Variants in PDYN observed in about 807,000 individuals in gnomAD.
PDYN encodes proenkephalin-B.
PDYN carries 5 observed loss-of-function variants against 11.4 expected under a neutral mutation model. The observed-to-expected ratio is 0.44, with a 90% confidence interval of 0.23 to 0.92. The LOEUF is 0.92. Ranked by LOEUF, PDYN falls within the 40% of genes least tolerant of loss-of-function variation. PDYN has a pLI of 0.24. For missense variants in PDYN, 337 were observed against 317.3 expected (o/e 1.06, Z -0.47); for synonymous variants, 132 against 129.5 (o/e 1.02, Z -0.13).
intron 2 of PDYN, 89 bp downstream of exon 2, chr20:1,992,495 C>G (rs1988492898): frequency 1.3e-5 from 2 of 152,312 alleles, no homozygotes; most frequent in African/African-American, 4.8e-5. Context: ...TTGCCTGCCA[C>G]CTATCACACC....
At position 1,982,995 on chromosome 20, in the gene PDYN, A is replaced by T; in HGVS notation, c.90T>A (p.Ala30=). 1 of 1,614,110 alleles carries T rather than the reference A, an allele frequency of 6.2e-7. No individual in the cohort carries two copies. The change falls in exon 3 of 4, where the codon GCT becomes GCA. Residue 30 remains alanine (A), a synonymous_variant. Coordinates refer to ENST00000217305, the MANE Select transcript of PDYN (RefSeq NM_024411.5). ...ADCLSRCSLC[A]VKTQDGPKPI... is the part of the protein sequence containing the mutation. ...GTTTGGGACCATCCTGGGTCTTTAC[A>T]GCACACAAGGAGCACCGCGACAGGC...
chr20:1,980,732 T>C lies in PDYN; in HGVS notation c.356A>G (p.Glu119Gly), dbSNP rs776924567. The change falls in exon 4 of 4, where the codon GAG (glutamate) becomes GGG (glycine). Residue 119 changes from glutamate to glycine, a missense_variant. Transcript: ENST00000217305. ...SKFLPSISTKENTLSKSLEEK... is the reference protein window; with the variant it reads ...SKFLPSISTKGNTLSKSLEEK... ...CTCCAGGCTCTTGCTCAGAGTGTTC[T>C]CCTTTGTTGAGATACTTGGGAGAAA... 1.2e-6 allele frequency: 2 copies of C among 1,614,196 alleles called. No individual in the cohort carries two copies. The highest frequency in any genetic ancestry group is 2.2e-5 in the South Asian group (2 of 91,084).
At chr20:1,985,492 C>A (rs1316863250) in intron 2 of PDYN, among the ~76,000 whole-genome samples, 1 of 152,170 alleles carries the variant, frequency 6.6e-6, no homozygotes, top group Non-Finnish European at 1.5e-5. Context: ...CAGCTGCACC[C>A]TCCGTGAGAT....
Position 1,979,957 on chromosome 20 carries a change from A to G in PDYN, c.*366T>C. 5.6e-6 allele frequency: 2 copies of G among 356,954 alleles called. No individual in the cohort carries two copies. The highest frequency in any genetic ancestry group is 5.0e-5 in the South Asian group (2 of 39,822). The allele number at this position is 356,954 out of a possible 1,614,324, so 22.1% of individuals were successfully genotyped here. A position where few individuals can be genotyped will look rare whatever the true frequency, so the allele number is the denominator to read the frequency against. On this transcript the variant is annotated 3_prime_UTR_variant, in exon 4 of 4. Transcript: ENST00000217305. ...GATCTGTTAAGTTTGGACATCATAG[A>G]CCTACAGGTACAAAGAACACATCGC... is the stretch of plus-strand genomic sequence containing the variant.
intron 3 of PDYN, among the ~76,000 whole-genome samples, chr20:1,981,325 T>C (rs992945822): frequency 2.0e-5 from 3 of 152,296 alleles, no homozygotes; most frequent in East Asian, 3.9e-4. Context: ...CCCAGGCTTC[T>C]GCAGGTGTGA....
intron 2 of PDYN, among the ~76,000 whole-genome samples, chr20:1,987,501 C>T (rs559748609): frequency 6.6e-6 from 1 of 152,346 alleles, no homozygotes; most frequent in African/African-American, 2.4e-5. Context: ...TCGCCACCCG[C>T]GGAACCACCT....
Position 1,980,354 on chromosome 20 carries a change from T to G in PDYN, c.734A>C (p.Asn245Thr), listed in dbSNP as rs1238908191. 2 of 1,613,994 alleles carry G rather than the reference T, an allele frequency of 1.2e-6. No individual in the cohort carries two copies. Among genetic ancestry groups the G allele is most frequent in the African/African-American group, 2.7e-5 (2 of 74,900 alleles). The change falls in exon 4 of 4, where the codon AAT becomes ACT. Residue 245 changes from asparagine to threonine, a missense_variant. Transcript: ENST00000217305. ...KVVTRSQEDP[N>T]AYSGELFDA Reference sequence around the variant, plus strand: ...ATCAAAAAGCTCTCCAGAGTAAGCATTCGGATCTTCCTGAGACCGAGTCAC... The same window carrying G: ...ATCAAAAAGCTCTCCAGAGTAAGCAGTCGGATCTTCCTGAGACCGAGTCAC...
chr20:1,981,315 C>T (rs549161884), intron 3 of PDYN, among the ~76,000 whole-genome samples: 9 of 152,300 alleles, frequency 5.9e-5, no homozygotes, highest in African/African-American at 2.2e-4. Flanking sequence ...CAAATTCTCT[C>T]CCAGGCTTCT....
intron 2 of PDYN, among the ~76,000 whole-genome samples, chr20:1,988,002 G>A (rs932594328): frequency 6.6e-6 from 1 of 152,192 alleles, no homozygotes; most frequent in African/African-American, 2.4e-5. Flanking sequence ...AAATGCTGCT[G>A]CATGACTCAC....
chr20:1,981,030 T>G (rs1987745496), intron 3 of PDYN, 72 bp from the exon 4 acceptor site: 2 of 1,577,590 alleles, frequency 1.3e-6, no homozygotes, highest in Non-Finnish European at 1.7e-6. Flanking sequence ...CAGGCTCCCC[T>G]GTCCAGTGTC....
intron 2 of PDYN, among the ~76,000 whole-genome samples, chr20:1,992,151 T>C (rs1034757142): frequency 5.9e-5 from 9 of 152,194 alleles, no homozygotes; most frequent in African/African-American, 2.2e-4. Context: ...ATTATTATTA[T>C]TCTCATCATA....
At chr20:1,983,807 C>T (rs546223156) in intron 2 of PDYN, among the ~76,000 whole-genome samples, 29 of 152,344 alleles carry the variant, frequency 1.9e-4, no homozygotes, top group Non-Finnish European at 3.5e-4. Flanking sequence ...GCCTAAATGT[C>T]AGGGCTCCCT....
chr20:1,993,489 A>T (rs1374659698), intron 1 of PDYN, among the ~76,000 whole-genome samples: 4 of 152,236 alleles, frequency 2.6e-5, no homozygotes, highest in African/African-American at 9.6e-5. Context: ...AATGTCCTCA[A>T]GCCATTGTTC....
chr20:1,979,054 A>C lies in PDYN; in HGVS notation c.*1269T>G, dbSNP rs1402810637. On this transcript the variant is annotated 3_prime_UTR_variant, in exon 4 of 4. Transcript: ENST00000217305. ...AGAGTGCCTGGGAATGAGAGAGCAA[A>C]AGAGAGACAGACAGACAGGGAGGGC... The C allele has an allele frequency of 6.6e-6, 1 of 152,182 alleles. No homozygotes were observed. Among genetic ancestry groups the C allele is most frequent in the East Asian group, 1.9e-4 (1 of 5,188 alleles). The allele number at this position is 152,182 out of a possible 1,614,324, so 9.4% of individuals were successfully genotyped here. A position where few individuals can be genotyped will look rare whatever the true frequency, so the allele number is the denominator to read the frequency against.
At chr20:1,986,803 CCA>C (rs1988207072) in intron 2 of PDYN, among the ~76,000 whole-genome samples, 1 of 152,204 alleles carries the variant, frequency 6.6e-6, no homozygotes, top group Non-Finnish European at 1.5e-5. Flanking sequence ...AACAAATGCT[CCA>C]CACACCCCAC....
chr20:1,982,831 C>A (rs1174413937), intron 3 of PDYN, 125 bp downstream of exon 3: 6 of 1,023,742 alleles, frequency 5.9e-6, no homozygotes, highest in Admixed American at 5.7e-5. Flanking sequence ...ACACCCACCA[C>A]CCTGCACAGG....
intron 2 of PDYN, among the ~76,000 whole-genome samples, chr20:1,983,929 A>G (rs1017400942): frequency 6.6e-6 from 1 of 152,092 alleles, no homozygotes; most frequent in African/African-American, 2.4e-5. Flanking sequence ...GCCTTTGCAC[A>G]TGCTGTTCCC....
rs151193257 is a variant in PDYN, at chr20:1,980,135, T to A, written c.*188A>T. 487 of 687,624 alleles carry A rather than the reference T, an allele frequency of 7.1e-4. 2 individuals are homozygous for A. In the African/African-American group the frequency reaches 7.7e-3, roughly 11 times the overall value. The allele number at this position is 687,624 out of a possible 1,614,324, so 42.6% of individuals were successfully genotyped here. A position where few individuals can be genotyped will look rare whatever the true frequency, so the allele number is the denominator to read the frequency against. On this transcript the variant is annotated 3_prime_UTR_variant, in exon 4 of 4. Coordinates refer to ENST00000217305, the MANE Select transcript of PDYN (RefSeq NM_024411.5). ...ATTGTGGGGAAGGGACATCCACCCT[T>A]CCCCATCACAGACCCCAGAGAAATA...
chr20:1,982,683 G>A (rs999803205), intron 3 of PDYN, among the ~76,000 whole-genome samples: 5 of 152,188 alleles, frequency 3.3e-5, no homozygotes, highest in African/African-American at 1.2e-4. Flanking sequence ...CACCACCTCA[G>A]AAATGACACT....
Sources: allele counts gnomAD v4.1 joint callset (sites outside exome capture counted in the v4.1 genomes callset), GRCh38; gene constraint gnomAD v4.1.1; transcripts MANE v1.5; gene names NCBI Gene and HGNC (gene_info 2026-07-23, HGNC 2026-07-21).